TNFAIP8: variants seen among roughly 807,000 people sequenced by gnomAD.
TNFAIP8 encodes tumor necrosis factor alpha-induced protein 8.
A neutral mutation model predicts 13.3 loss-of-function variants in TNFAIP8; 7 were observed. The observed-to-expected ratio is 0.52, with a 90% confidence interval of 0.30 to 0.99. TNFAIP8 has a LOEUF of 0.99. Among genes scored for constraint, TNFAIP8 ranks in the 50% least tolerant of loss-of-function variants. The pLI is 0.07. For synonymous variants in TNFAIP8, 94 were observed against 87.6 expected (o/e 1.07, Z -0.41); for missense variants, 258 against 236.9 (o/e 1.09, Z -0.58).
At chr5:119,392,761 C>G in intron 1 of TNFAIP8, 55 bp from the exon 2 acceptor site, 1 of 1,468,882 alleles carries the variant, frequency 6.8e-7, no homozygotes, top group Non-Finnish European at 9.0e-7. Flanking sequence ...TAGTTCGCTT[C>G]ACTTGCTGAT....
intron 1 of TNFAIP8, among the ~76,000 whole-genome samples, chr5:119,389,829 C>G (rs1752827413): frequency 6.6e-6 from 1 of 152,120 alleles, no homozygotes. Flanking sequence ...TGAAGTTCCT[C>G]TAGGATAAAT....
chr5:119,297,898 A>C (rs939317716), intron 1 of TNFAIP8, among the ~76,000 whole-genome samples: 3 of 152,014 alleles, frequency 2.0e-5, no homozygotes, highest in Non-Finnish European at 2.9e-5. Context: ...GTTGGTTTAA[A>C]GTCTGTTTTA....
intron 1 of TNFAIP8, among the ~76,000 whole-genome samples, chr5:119,302,168 G>T (rs1183588526): frequency 6.6e-6 from 1 of 152,216 alleles, no homozygotes; most frequent in Admixed American, 6.5e-5. Flanking sequence ...TAACTGGCCA[G>T]TGCATTGAAC....
intron 1 of TNFAIP8, among the ~76,000 whole-genome samples, chr5:119,357,793 G>C (rs1258805174): frequency 1.3e-5 from 2 of 152,004 alleles, no homozygotes; most frequent in Non-Finnish European, 2.9e-5. Context: ...AGCCCAGAAT[G>C]TTTCTTTTAA....
At chr5:119,346,263 T>C (rs995907351) in intron 1 of TNFAIP8, among the ~76,000 whole-genome samples, 1 of 152,034 alleles carries the variant, frequency 6.6e-6, no homozygotes, top group East Asian at 1.9e-4. Flanking sequence ...TGCTGGAGGC[T>C]GGGAGGTGCT....
rs141072150 is a variant in TNFAIP8 at position 119,282,917 on chromosome 5, T to C, written c.1+14010T>C. ...ACCCAGATGCATTTTGCTCAACTTA[T>C]ACACTGTGTTCAGCTTTTAAAATTT... On this transcript the variant is annotated intron_variant, in intron 1 of 1. Transcript: ENST00000274456. Among the ~76,000 whole-genome samples the C allele has an allele frequency of 7.9e-5, 12 of 152,366 alleles. No individual in the cohort carries two copies. In the East Asian group the frequency reaches 2.1e-3, roughly 27 times the overall value.
intron 1 of TNFAIP8, among the ~76,000 whole-genome samples, chr5:119,270,352 G>A (rs574871384): frequency 6.6e-6 from 1 of 152,324 alleles, no homozygotes; most frequent in Admixed American, 6.5e-5. Flanking sequence ...TAATTATCAC[G>A]TTTGATGAAA....
In TNFAIP8 at chr5:119,299,919, C is replaced by T. The variant is rs147471216; in HGVS notation, c.1+31012C>T. Among the ~76,000 whole-genome samples the T allele has an allele frequency of 4.7e-3, 715 of 152,312 alleles. 7 individuals are homozygous for T. Among genetic ancestry groups the T allele is most frequent in the African/African-American group, 0.016 (661 of 41,568 alleles). On this transcript the variant is annotated intron_variant, in intron 1 of 1. Transcript: ENST00000274456. ...GGCGTAGGACCCTCTGAGTCAGGTG[C>T]GGGTTATAATCTCTTGGTGCACCGT...
intron 1 of TNFAIP8, among the ~76,000 whole-genome samples, chr5:119,381,615 C>CT (rs142340349): frequency 0.013 from 2,000 of 152,230 alleles, 49 homozygotes; most frequent in African/African-American, 0.045. Flanking sequence ...TCCCCTGTCT[C>CT]TTTTTCCTAG....
chr5:119,286,342 G>A (rs535477410), intron 1 of TNFAIP8, among the ~76,000 whole-genome samples: 57 of 152,098 alleles, frequency 3.7e-4, no homozygotes, highest in Non-Finnish European at 6.6e-4. Context: ...AAAAGTCCCG[G>A]TTGGCACGGT....
At chr5:119,365,647 A>G (rs1047375855) in intron 1 of TNFAIP8, among the ~76,000 whole-genome samples, 1 of 152,230 alleles carries the variant, frequency 6.6e-6, no homozygotes, top group Admixed American at 6.5e-5. Flanking sequence ...TTCCTCCTGT[A>G]AAGTTGTTTG....
chr5:119,281,475 T>C (rs4895363), intron 1 of TNFAIP8, among the ~76,000 whole-genome samples: 104,575 of 152,090 alleles, frequency 0.69, 38,570 homozygotes, highest in East Asian at 0.89. Flanking sequence ...AATCCTGGTT[T>C]TTTGGTCACA....
intron 1 of TNFAIP8, among the ~76,000 whole-genome samples, chr5:119,274,880 A>T (rs561242923): frequency 3.2e-4 from 49 of 152,310 alleles, no homozygotes; most frequent in African/African-American, 1.0e-3. Flanking sequence ...CCTGACTGTT[A>T]AGTCAGAATC....
intron 1 of TNFAIP8, among the ~76,000 whole-genome samples, chr5:119,318,280 T>C (rs180811771): frequency 1.9e-3 from 285 of 152,026 alleles, no homozygotes; most frequent in Non-Finnish European, 3.2e-3. Context: ...CAGCCTTTTG[T>C]TCTAGAATGG....
intron 1 of TNFAIP8, among the ~76,000 whole-genome samples, chr5:119,372,335 A>T (rs1752112674): frequency 6.6e-6 from 1 of 151,470 alleles, no homozygotes; most frequent in South Asian, 2.1e-4. Context: ...AAAAAAAAAA[A>T]AAAAGAATAC....
At chr5:119,336,179 A>G (rs112669199) in intron 1 of TNFAIP8, among the ~76,000 whole-genome samples, 3,651 of 152,280 alleles carry the variant, frequency 0.024, 167 homozygotes, top group African/African-American at 0.084. Context: ...TGTACTGGGC[A>G]TGAGATGAGA....
intron 1 of TNFAIP8, 138 bp downstream of exon 1, chr5:119,356,259 C>T (rs1248979517): frequency 1.4e-6 from 1 of 726,394 alleles, no homozygotes. Context: ...GAAGCCAAGT[C>T]GGAGCTGGAT....
chr5:119,333,015 C>T (rs1346600952), intron 1 of TNFAIP8, among the ~76,000 whole-genome samples: 17 of 151,642 alleles, frequency 1.1e-4, no homozygotes, highest in Admixed American at 1.1e-3. Context: ...TATTAATAGA[C>T]GTTCATGTTT....
chr5:119,343,667 A>G (rs1750810015), intron 1 of TNFAIP8, among the ~76,000 whole-genome samples: 1 of 152,228 alleles, frequency 6.6e-6, no homozygotes, highest in Non-Finnish European at 1.5e-5. Flanking sequence ...TAAATAGCTT[A>G]TGGAGCTGCC....
Sources: gnomAD v4.1 joint callset for allele counts (sites outside exome capture counted in the v4.1 genomes callset) on GRCh38, gnomAD v4.1.1 for gene constraint, MANE v1.5 for transcripts, NCBI Gene and HGNC (gene_info 2026-07-23, HGNC 2026-07-21) for gene names.